Variants in DNAH14 observed in about 807,000 individuals in gnomAD.
DNAH14 encodes the protein axonemal beta dynein heavy chain 14.
In DNAH14, 478 loss-of-function variants were observed where a neutral mutation model predicts 520.9. The observed-to-expected ratio is 0.92, with a 90% CI of 0.85 to 0.99. DNAH14 has a LOEUF of 0.99. Ranked by LOEUF, DNAH14 falls within the 50% of genes least tolerant of loss-of-function variation. The pLI is 0.00. For missense variants in DNAH14, 4,831 were observed against 5,234.5 expected (o/e 0.92, Z 2.38); for synonymous variants, 1,581 against 1,757.2 (o/e 0.90, Z 2.51).
rs191371489 is a variant in DNAH14 at position 225,243,755 on chromosome 1, G to A, written c.6748+2933G>A. On this transcript the variant is annotated intron_variant, in intron 43 of 85. Transcript: ENST00000682510. ...GCTTAAGGAGTTTTTGGGCTGAGAC[G>A]ATGGGGTTTTCTAAATATACAATCA... Among the ~76,000 whole-genome samples the A allele has an allele frequency of 2.7e-4, 41 of 152,112 alleles. 1 individual carries two copies. In the East Asian group the frequency reaches 7.3e-3, roughly 27 times the overall value.
intron 41 of DNAH14, among the ~76,000 whole-genome samples, chr1:225,222,861 A>G (rs2090177227): frequency 6.6e-6 from 1 of 152,076 alleles, no homozygotes; most frequent in Non-Finnish European, 1.5e-5. Context: ...TACACTAGAC[A>G]TAGAGCTCTG....
rs138394989 is a variant in DNAH14, at chr1:225,044,604, T to G, written c.1912+621T>G. Among the ~76,000 whole-genome samples the G allele has an allele frequency of 2.1e-3, 320 of 152,310 alleles. 1 individual carries two copies. Among genetic ancestry groups the G allele is most frequent in the African/African-American group, 7.4e-3 (306 of 41,570 alleles). ...AGTCTTTTTCACTATGCTTTGTAAC[T>G]ACCACCACATATTAAGTTACTCCAT... On this transcript the variant is annotated intron_variant, in intron 15 of 85. Coordinates refer to ENST00000682510, the MANE Select transcript of DNAH14 (RefSeq NM_001367479.1).
chr1:225,062,581 G>T lies in DNAH14; in HGVS notation c.2424+10786G>T, dbSNP rs554953577. Among the ~76,000 whole-genome samples the T allele has an allele frequency of 2.0e-5, 3 of 152,148 alleles. No homozygotes were observed. The South Asian group carries it at 6.2e-4, about 31-fold the overall frequency. On this transcript the variant is annotated intron_variant, in intron 17 of 85. Transcript: ENST00000682510. ...AAAAGCCCCAGAAATCTGCCCTGGGGTCCTGTGACTCAGTAGGCAGAATGT... is the reference window on the plus strand; with the variant it reads ...AAAAGCCCCAGAAATCTGCCCTGGGTTCCTGTGACTCAGTAGGCAGAATGT...
intron 41 of DNAH14, among the ~76,000 whole-genome samples, chr1:225,208,376 A>AT (rs2087875224): frequency 6.6e-6 from 1 of 152,196 alleles, no homozygotes; most frequent in African/African-American, 2.4e-5. Flanking sequence ...TGAATGCTGG[A>AT]TTGGTTAGCT....
At chr1:225,355,983 G>A (rs549538639) in intron 73 of DNAH14, among the ~76,000 whole-genome samples, 2 of 152,218 alleles carry the variant, frequency 1.3e-5, no homozygotes, top group South Asian at 2.1e-4. Flanking sequence ...ATTTCACATA[G>A]CATGATGTTT....
At chr1:225,115,699 A>T (rs1032256978) in intron 23 of DNAH14, among the ~76,000 whole-genome samples, 9 of 152,232 alleles carry the variant, frequency 5.9e-5, no homozygotes, top group Admixed American at 5.2e-4. Flanking sequence ...TTACCAAGTC[A>T]TCGTTGAGAT....
chr1:225,188,974 T>C (rs930430602), intron 37 of DNAH14, among the ~76,000 whole-genome samples: 2 of 151,914 alleles, frequency 1.3e-5, no homozygotes, highest in African/African-American at 4.8e-5. Flanking sequence ...TCCAATTGAG[T>C]ATGGTGCTGA....
intron 66 of DNAH14, among the ~76,000 whole-genome samples, chr1:225,337,049 C>T (rs1031327639): frequency 1.3e-5 from 2 of 152,110 alleles, no homozygotes; most frequent in Admixed American, 6.6e-5. Flanking sequence ...CATCATAATG[C>T]CCTTATTGTT....
At chr1:225,103,660 T>C (rs1275493871) in intron 23 of DNAH14, among the ~76,000 whole-genome samples, 1 of 152,180 alleles carries the variant, frequency 6.6e-6, no homozygotes, top group East Asian at 1.9e-4. Context: ...CAATTGTGAA[T>C]GGGAGTTCAC....
chr1:225,024,284 G>C, intron 11 of DNAH14: 1 of 982,696 alleles, frequency 1.0e-6, no homozygotes, highest in Non-Finnish European at 1.2e-6. Flanking sequence ...GAGCTACAAA[G>C]TCCAATTGGA....
intron 55 of DNAH14, among the ~76,000 whole-genome samples, chr1:225,298,779 C>T (rs763701131): frequency 6.6e-6 from 1 of 152,178 alleles, no homozygotes; most frequent in Non-Finnish European, 1.5e-5. Context: ...CATGAATTTC[C>T]AGCAGCTCCC....
chr1:225,390,441 G>T (rs1326367264), intron 83 of DNAH14, among the ~76,000 whole-genome samples: 1 of 152,156 alleles, frequency 6.6e-6, no homozygotes, highest in Non-Finnish European at 1.5e-5. Flanking sequence ...CAAGAACCAG[G>T]TCTGTTTTAA....
intron 17 of DNAH14, among the ~76,000 whole-genome samples, chr1:225,078,843 C>CGTCTCT (rs2072696932): frequency 1.9e-5 from 1 of 52,116 alleles, no homozygotes; most frequent in Non-Finnish European, 3.7e-5. Flanking sequence ...TCTCTCTCTC[C>CGTCTCT]CTCTCTCTCT....
intron 79 of DNAH14, among the ~76,000 whole-genome samples, chr1:225,377,713 G>T (rs1396665942): frequency 2.0e-5 from 3 of 152,054 alleles, no homozygotes; most frequent in African/African-American, 7.2e-5. Flanking sequence ...GAAAAGTATA[G>T]TCTACATGGT....
chr1:225,168,684 C>T (rs6699883), intron 36 of DNAH14, among the ~76,000 whole-genome samples: 7,117 of 152,276 alleles, frequency 0.047, 514 homozygotes, highest in African/African-American at 0.16. Context: ...CACCGCAGCT[C>T]AAGGAGGCCT....
chr1:225,210,204 G>C lies in DNAH14; in HGVS notation c.6439+2984G>C, dbSNP rs189831201. ...AAGGAGGCTGAAACCAGAAAGCCACGTGGTCTAGTTCAGCAGATCCCAACC... is the reference window on the plus strand; with the variant it reads ...AAGGAGGCTGAAACCAGAAAGCCACCTGGTCTAGTTCAGCAGATCCCAACC... On this transcript the variant is annotated intron_variant, in intron 41 of 85. Transcript: ENST00000682510. Among the ~76,000 whole-genome samples the C allele has an allele frequency of 2.6e-5, 4 of 152,066 alleles. No homozygotes were observed. The East Asian group carries it at 5.8e-4, about 22-fold the overall frequency.
intron 27 of DNAH14, among the ~76,000 whole-genome samples, chr1:225,124,175 T>C (rs1384788749): frequency 6.6e-6 from 1 of 152,196 alleles, no homozygotes; most frequent in African/African-American, 2.4e-5. Context: ...CATAATATTG[T>C]TGCTGGTGGA....
chr1:225,138,222 A>T (rs1442163419), intron 27 of DNAH14, among the ~76,000 whole-genome samples: 1 of 152,202 alleles, frequency 6.6e-6, no homozygotes, highest in Non-Finnish European at 1.5e-5. Flanking sequence ...CAATCTGGCA[A>T]GGCCACAGCA....
At chr1:224,967,635 A>G in intron 6 of DNAH14, 52 bp downstream of exon 6, 2 of 1,594,768 alleles carry the variant, frequency 1.3e-6, no homozygotes, top group Non-Finnish European at 1.7e-6. Context: ...CAAAAATATT[A>G]TCCAAGGTAG....
Sources: allele counts gnomAD v4.1 joint callset (sites outside exome capture counted in the v4.1 genomes callset), GRCh38; gene constraint gnomAD v4.1.1; transcripts MANE v1.5; gene names NCBI Gene and HGNC (gene_info 2026-07-23, HGNC 2026-07-21).